GMDS: variants seen among roughly 807,000 people sequenced by gnomAD.
GMDS encodes GDP-mannose 4,6-dehydratase.
Under a neutral mutation model 49.9 loss-of-function variants are expected in GMDS, and 20 were observed. That is an observed-to-expected ratio of 0.40 (90% confidence interval 0.28 to 0.58). The LOEUF is 0.58. Ranked by LOEUF, GMDS falls within the 20% of genes least tolerant of loss-of-function variation. The pLI, the probability that GMDS is intolerant of heterozygous loss-of-function variation, is 0.42. For synonymous variants in GMDS, 177 were observed against 178.6 expected, an observed-to-expected ratio of 0.99 and a Z score of 0.07; for missense variants, 362 against 481.4, an observed-to-expected ratio of 0.75 and a Z score of 2.32.
At chr6:1,961,391 A>G (rs1763934369) in intron 4 of GMDS, among the ~76,000 whole-genome samples, 1 of 152,224 alleles carries the variant, frequency 6.6e-6, no homozygotes, top group South Asian at 2.1e-4. Context: ...GTTTTGGAAC[A>G]TGTGCTTTAG....
intron 6 of GMDS, among the ~76,000 whole-genome samples, chr6:1,939,387 T>C (rs1278239026): frequency 2.0e-5 from 3 of 151,974 alleles, no homozygotes; most frequent in African/African-American, 7.3e-5. Flanking sequence ...ACACCTGGGA[T>C]GCTCATCCCC....
intron 4 of GMDS, among the ~76,000 whole-genome samples, chr6:1,997,661 C>T (rs935385520): frequency 2.6e-5 from 4 of 152,078 alleles, no homozygotes; most frequent in Admixed American, 6.6e-5. Context: ...CCAGGAAATA[C>T]ACCTGGAAGG....
At chr6:2,148,233 G>A (rs1157573694) in intron 1 of GMDS, among the ~76,000 whole-genome samples, 2 of 152,084 alleles carry the variant, frequency 1.3e-5, no homozygotes, top group African/African-American at 4.8e-5. Context: ...ATTAAATGCT[G>A]GTATGACTAA....
At chr6:1,913,338 G>GCA (rs1761174471) in intron 7 of GMDS, among the ~76,000 whole-genome samples, 9 of 138,166 alleles carry the variant, frequency 6.5e-5, no homozygotes, top group Admixed American at 3.9e-4. Context: ...CCGAGATCCT[G>GCA]CCACTGCACT....
At chr6:2,119,994 A>G (rs1775052993) in intron 2 of GMDS, among the ~76,000 whole-genome samples, 1 of 152,214 alleles carries the variant, frequency 6.6e-6, no homozygotes, top group Non-Finnish European at 1.5e-5. Context: ...AAAATGGAAA[A>G]TTATTATCAC....
intron 1 of GMDS, among the ~76,000 whole-genome samples, chr6:2,144,342 T>C (rs888093152): frequency 7.9e-5 from 12 of 152,166 alleles, no homozygotes; most frequent in African/African-American, 2.9e-4. Context: ...AGGCCCGCCA[T>C]GCAGGCCACA....
chr6:1,706,667 C>T (rs1014209860), intron 9 of GMDS, among the ~76,000 whole-genome samples: 4 of 152,216 alleles, frequency 2.6e-5, no homozygotes, highest in Admixed American at 6.5e-5. Flanking sequence ...ACGAGGCGTC[C>T]GCAGCACGTG....
chr6:2,091,742 T>A (rs75951921), intron 4 of GMDS, among the ~76,000 whole-genome samples: 4,532 of 150,962 alleles, frequency 0.03, 111 homozygotes, highest in South Asian at 0.12. Context: ...AAGAAAAAAA[T>A]TTTTTTTTTA....
chr6:1,872,899 C>T (rs929430797), intron 7 of GMDS, among the ~76,000 whole-genome samples: 4 of 152,378 alleles, frequency 2.6e-5, no homozygotes, highest in East Asian at 1.9e-4. Flanking sequence ...TCAGTCTCTG[C>T]GCCTTGCTGT....
chr6:1,690,465 G>A (rs938556137), intron 9 of GMDS, among the ~76,000 whole-genome samples: 5 of 152,124 alleles, frequency 3.3e-5, no homozygotes, highest in Non-Finnish European at 5.9e-5. Flanking sequence ...AATACTTTAT[G>A]AAATAGGGAA....
At chr6:1,790,726 G>A (rs913763945) in intron 7 of GMDS, among the ~76,000 whole-genome samples, 7 of 152,226 alleles carry the variant, frequency 4.6e-5, no homozygotes, top group Middle Eastern at 3.4e-3. Context: ...ATGTACCGAG[G>A]AATATGTGGT....
chr6:1,790,248 C>T (rs1329258745), intron 7 of GMDS, among the ~76,000 whole-genome samples: 2 of 152,150 alleles, frequency 1.3e-5, no homozygotes, highest in African/African-American at 2.4e-5. Flanking sequence ...ACAAGCCCCT[C>T]TTCTCAAAAA....
intron 4 of GMDS, among the ~76,000 whole-genome samples, chr6:2,055,590 T>C (rs1770731255): frequency 6.6e-6 from 1 of 152,070 alleles, no homozygotes; most frequent in South Asian, 2.1e-4. Flanking sequence ...TCCCTTAACC[T>C]CATAGGTTAG....
At chr6:1,975,936 G>A (rs146611157) in intron 4 of GMDS, among the ~76,000 whole-genome samples, 130 of 152,274 alleles carry the variant, frequency 8.5e-4, no homozygotes, top group African/African-American at 3.0e-3. Context: ...ACCCCTAGGA[G>A]GCTGTGAAGT....
At chr6:1,747,553 ACT>A (rs1463494678) in intron 7 of GMDS, among the ~76,000 whole-genome samples, 4 of 151,976 alleles carry the variant, frequency 2.6e-5, no homozygotes, top group African/African-American at 9.7e-5. Flanking sequence ...GTATGAAATA[ACT>A]CTAATAAAAA....
intron 4 of GMDS, among the ~76,000 whole-genome samples, chr6:2,031,362 C>T (rs1340223481): frequency 2.6e-5 from 4 of 151,996 alleles, no homozygotes; most frequent in African/African-American, 7.3e-5. Context: ...ATCCTAGATA[C>T]TAAAGATGTA....
At chr6:2,225,967 T>G (rs1581824485) in intron 1 of GMDS, among the ~76,000 whole-genome samples, 5 of 151,576 alleles carry the variant, frequency 3.3e-5, no homozygotes, top group Admixed American at 3.3e-4. Context: ...TCCTGGCAGG[T>G]GAACTCTGCT....
intron 9 of GMDS, among the ~76,000 whole-genome samples, chr6:1,646,131 T>G (rs1237069707): frequency 6.6e-6 from 1 of 152,246 alleles, no homozygotes; most frequent in East Asian, 1.9e-4. Flanking sequence ...ACTCCCATCC[T>G]TGAGATTTAA....
At chr6:1,737,534 CAT>C (rs1561768603) in intron 8 of GMDS, among the ~76,000 whole-genome samples, 1 of 150,920 alleles carries the variant, frequency 6.6e-6, no homozygotes. Flanking sequence ...GATACACACA[CAT>C]ACACACCACA....
Sources: allele counts gnomAD v4.1 joint callset (sites outside exome capture counted in the v4.1 genomes callset), GRCh38; gene constraint gnomAD v4.1.1; transcripts MANE v1.5; gene names NCBI Gene and HGNC (gene_info 2026-07-23, HGNC 2026-07-21).